The following FOCAD variants were observed in gnomAD, a reference collection of about 807,000 sequenced individuals.
The protein encoded by FOCAD is focadhesin.
FOCAD carries 198 observed loss-of-function variants against 225.6 expected under a neutral mutation model. The observed-to-expected ratio is 0.88, with a 90% CI of 0.78 to 0.99. FOCAD has a LOEUF of 0.99. FOCAD is among the 50% of genes least tolerant of loss of function. FOCAD has a pLI of 0.00. For missense variants in FOCAD, 2,713 were observed against 2,123.6 expected (o/e 1.28, Z -5.46); for synonymous variants, 897 against 755.0 (o/e 1.19, Z -3.08).
chr9:20,963,980 G>A (rs1324738752), intron 35 of FOCAD, among the ~76,000 whole-genome samples: 3 of 152,038 alleles, frequency 2.0e-5, no homozygotes, highest in Admixed American at 6.5e-5. Flanking sequence ...GTCAGTACCT[G>A]ATACCTAATA....
intron 1 of FOCAD, among the ~76,000 whole-genome samples, chr9:20,714,238 G>A (rs531340075): frequency 6.6e-6 from 1 of 152,274 alleles, no homozygotes; most frequent in African/African-American, 2.4e-5. Context: ...TTTCCTTTGA[G>A]TGTCACGTCA....
chr9:20,983,393 G>A (rs1323861135), intron 39 of FOCAD, among the ~76,000 whole-genome samples: 1 of 152,010 alleles, frequency 6.6e-6, no homozygotes, highest in Non-Finnish European at 1.5e-5. Context: ...CCAACATGGT[G>A]AAACCCCGTC....
chr9:20,938,534 A>T (rs1459777481), intron 28 of FOCAD, among the ~76,000 whole-genome samples: 1 of 151,280 alleles, frequency 6.6e-6, no homozygotes, highest in Non-Finnish European at 1.5e-5. Flanking sequence ...AACAATGAGA[A>T]CACATGGACA....
chr9:20,689,936 G>A (rs771068565), intron 1 of FOCAD, among the ~76,000 whole-genome samples: 1 of 152,226 alleles, frequency 6.6e-6, no homozygotes, highest in East Asian at 1.9e-4. Context: ...AGGATGGACA[G>A]TGTGGCCTAT....
intron 14 of FOCAD, among the ~76,000 whole-genome samples, chr9:20,821,511 G>A (rs1423142163): frequency 6.6e-6 from 1 of 151,990 alleles, no homozygotes; most frequent in African/African-American, 2.4e-5. Context: ...ATTATAACAA[G>A]GAAGAAAATG....
At chr9:20,847,951 G>A (rs962775154) in intron 15 of FOCAD, among the ~76,000 whole-genome samples, 1 of 151,912 alleles carries the variant, frequency 6.6e-6, no homozygotes, top group Non-Finnish European at 1.5e-5. Flanking sequence ...CATAAACTGA[G>A]TATATTTCAT....
At chr9:20,805,434 A>G (rs999372622) in intron 11 of FOCAD, among the ~76,000 whole-genome samples, 24 of 152,106 alleles carry the variant, frequency 1.6e-4, no homozygotes, top group Middle Eastern at 3.2e-3. Flanking sequence ...CCTTTTTGCT[A>G]TTGTGCTGTA....
intron 37 of FOCAD, among the ~76,000 whole-genome samples, chr9:20,980,119 A>G (rs1286328190): frequency 6.6e-6 from 1 of 151,156 alleles, no homozygotes; most frequent in Admixed American, 6.6e-5. Context: ...TATTTATATA[A>G]TTTTATATAA....
chr9:20,900,953 C>T (rs1832502437), intron 21 of FOCAD, among the ~76,000 whole-genome samples: 1 of 151,210 alleles, frequency 6.6e-6, no homozygotes, highest in Non-Finnish European at 1.5e-5. Context: ...GTTAAATTTC[C>T]AGAAAACACC....
chr9:20,748,910 A>C (rs1055739908), intron 5 of FOCAD, among the ~76,000 whole-genome samples: 2 of 152,122 alleles, frequency 1.3e-5, no homozygotes, highest in African/African-American at 4.8e-5. Context: ...ATGTTCTTCT[A>C]ATTGTAGATG....
intron 10 of FOCAD, among the ~76,000 whole-genome samples, chr9:20,783,192 T>C (rs945966693): frequency 1.3e-5 from 2 of 152,172 alleles, no homozygotes; most frequent in Non-Finnish European, 2.9e-5. Context: ...TACTATTTGC[T>C]CAGATGTGTG....
chr9:20,759,957 A>G (rs1829423157), intron 6 of FOCAD, among the ~76,000 whole-genome samples: 1 of 152,206 alleles, frequency 6.6e-6, no homozygotes, highest in Non-Finnish European at 1.5e-5. Context: ...ATGTGCAGTT[A>G]GTGTACTTTC....
chr9:20,660,923 T>C (rs749044554), intron 2 of FOCAD, among the ~76,000 whole-genome samples: 4 of 152,142 alleles, frequency 2.6e-5, no homozygotes, highest in Non-Finnish European at 5.9e-5. Flanking sequence ...GCAAAAATTA[T>C]GGGGACATTC....
intron 10 of FOCAD, among the ~76,000 whole-genome samples, chr9:20,787,858 A>G (rs376674923): frequency 6.6e-6 from 1 of 152,064 alleles, no homozygotes; most frequent in African/African-American, 2.4e-5. Flanking sequence ...TACTATCTGT[A>G]TCTTATATTT....
At chr9:20,917,694 T>C (rs1358733337) in intron 24 of FOCAD, among the ~76,000 whole-genome samples, 1 of 152,164 alleles carries the variant, frequency 6.6e-6, no homozygotes, top group East Asian at 1.9e-4. Flanking sequence ...GAGGATTTCA[T>C]GTGTATTAAA....
intron 5 of FOCAD, among the ~76,000 whole-genome samples, chr9:20,756,273 G>A (rs1055670026): frequency 6.6e-6 from 1 of 152,138 alleles, no homozygotes; most frequent in Admixed American, 6.6e-5. Flanking sequence ...TGTGAAGTTA[G>A]TTAGTACATG....
chr9:20,915,921 C>T (rs1286181083), intron 23 of FOCAD, among the ~76,000 whole-genome samples: 1 of 152,014 alleles, frequency 6.6e-6, no homozygotes, highest in Non-Finnish European at 1.5e-5. Context: ...GACTATATTC[C>T]ATTTAGGAAT....
At chr9:20,743,510 T>A (rs571269922) in intron 5 of FOCAD, among the ~76,000 whole-genome samples, 9 of 152,156 alleles carry the variant, frequency 5.9e-5, no homozygotes, top group African/African-American at 1.9e-4. Flanking sequence ...AAACAAGAGA[T>A]ATGAGAACCA....
chr9:20,806,021 C>G (rs1052217778), intron 11 of FOCAD, among the ~76,000 whole-genome samples: 1 of 152,162 alleles, frequency 6.6e-6, no homozygotes, highest in African/African-American at 2.4e-5. Context: ...ATCCTCATGT[C>G]TGCTCTTTGA....
Sources: gnomAD v4.1 joint callset for allele counts (sites outside exome capture counted in the v4.1 genomes callset) on GRCh38, gnomAD v4.1.1 for gene constraint, MANE v1.5 for transcripts, NCBI Gene and HGNC (gene_info 2026-07-23, HGNC 2026-07-21) for gene names.